Variants in RACGAP1 observed in about 807,000 individuals in gnomAD.
RACGAP1 encodes rac GTPase-activating protein 1.
A neutral mutation model predicts 78.1 loss-of-function variants in RACGAP1; 30 were observed. The ratio of observed to expected loss-of-function variants is 0.38; its 90% confidence interval spans 0.29 to 0.52. The LOEUF is 0.52. Among genes scored for constraint, RACGAP1 ranks in the 20% least tolerant of loss-of-function variants. The probability of loss-of-function intolerance (pLI) is 0.82; values close to 1 mark genes in which losing one functional copy is unlikely to be tolerated. For synonymous variants in RACGAP1, 231 were observed against 264.8 expected, an observed-to-expected ratio of 0.87 and a Z score of 1.24; for missense variants, 587 against 777.1, an observed-to-expected ratio of 0.76 and a Z score of 2.91.
At chr12:49,993,604 T>C (rs1948039692) in intron 12 of RACGAP1, among the ~76,000 whole-genome samples, 1 of 146,052 alleles carries the variant, frequency 6.8e-6, no homozygotes, top group Non-Finnish European at 1.5e-5. Context: ...CTGGCTAACA[T>C]GGTATAACAC....
upstream of RACGAP1, among the ~76,000 whole-genome samples, chr12:50,025,934 T>C (rs1950256533): frequency 6.6e-6 from 1 of 152,156 alleles, no homozygotes; most frequent in African/African-American, 2.4e-5. Context: ...TTGACACACA[T>C]TGAATGAGCC....
Position 49,997,142 on chromosome 12 carries a change from C to G in RACGAP1, c.942G>C (p.Leu314=), listed in dbSNP as rs1259234756. ...AGACCACACGACAGTCTCGACACTT[C>G]AGAGATAATTTGCCAAATTTTATCC... ...GKRIKFGKLS[L]KCRDCRVVSH... Residue 314 remains leucine, a synonymous_variant, in exon 10 of 17, where the codon CTG becomes CTC. Coordinates refer to ENST00000312377, the MANE Select transcript of RACGAP1 (RefSeq NM_001319999.2). The G allele has an allele frequency of 8.7e-6, 14 of 1,610,462 alleles. No homozygotes were observed. The highest frequency in any genetic ancestry group is 1.1e-5 in the Non-Finnish European group (13 of 1,177,244).
chr12:49,998,917 A>T (rs1293337476), intron 9 of RACGAP1, among the ~76,000 whole-genome samples: 1 of 151,962 alleles, frequency 6.6e-6, no homozygotes, highest in East Asian at 1.9e-4. Context: ...AAAAAAAAGT[A>T]CTAACAATTG....
intron 1 of RACGAP1, among the ~76,000 whole-genome samples, chr12:50,020,278 A>T (rs1949934423): frequency 4.0e-5 from 6 of 151,806 alleles, no homozygotes; most frequent in Admixed American, 3.9e-4. Flanking sequence ...TCAGGGTTCG[A>T]GTGATTCTCC....
rs1165120671 is a variant in RACGAP1 at position 50,019,298 on chromosome 12, T to C, written c.-4-2579A>G. 2.0e-5 allele frequency among the ~76,000 whole-genome samples: 3 copies of C among 152,186 alleles called. No individual in the cohort carries two copies. In the East Asian group the frequency reaches 5.8e-4, roughly 29 times the overall value. On this transcript the variant is annotated intron_variant, in intron 1 of 16. Coordinates refer to ENST00000312377, the MANE Select transcript of RACGAP1 (RefSeq NM_001319999.2). ...AGATACAAACTCTTTGCACTTGAAT[T>C]AAACTTTACCATATGATTCTGCCCT...
intron 15 of RACGAP1, 82 bp from the exon 16 acceptor site, chr12:49,990,874 C>T: frequency 1.1e-5 from 11 of 1,016,808 alleles, no homozygotes; most frequent in Non-Finnish European, 1.5e-5. Context: ...GCTGATTACC[C>T]TCTGAAGCAC....
intron 1 of RACGAP1, among the ~76,000 whole-genome samples, chr12:50,020,055 A>G (rs58424082): frequency 6.6e-6 from 1 of 152,152 alleles, no homozygotes; most frequent in East Asian, 1.9e-4. Flanking sequence ...TAAATTCAGA[A>G]TTTTAGACCA....
intron 2 of RACGAP1, among the ~76,000 whole-genome samples, chr12:50,015,602 C>A (rs1208494352): frequency 1.3e-5 from 2 of 151,778 alleles, no homozygotes; most frequent in Non-Finnish European, 2.9e-5. Flanking sequence ...GAGATCGAGA[C>A]CATCCTGGCT....
At chr12:49,993,746 T>A (rs1345240365) in intron 12 of RACGAP1, among the ~76,000 whole-genome samples, 5 of 130,618 alleles carry the variant, frequency 3.8e-5, no homozygotes, top group Admixed American at 7.7e-5. Flanking sequence ...GACTCCGTCT[T>A]AAAAAAAAAA....
chr12:49,991,712 C>A (rs898273295), intron 15 of RACGAP1, among the ~76,000 whole-genome samples: 2 of 151,042 alleles, frequency 1.3e-5, no homozygotes, highest in Non-Finnish European at 2.9e-5. Flanking sequence ...TGGTCTCAAT[C>A]CCCTGACCTT....
At position 49,989,730 on chromosome 12, in the gene RACGAP1, G is replaced by C. The variant is rs1173998304; in HGVS notation, c.*538C>G. On this transcript the variant is annotated 3_prime_UTR_variant, in exon 17 of 17. Transcript: ENST00000312377. ...CTCAATGCATCCCATTTTTATGAAA[G>C]CTCCATATTATAGCTCAGTTCATAA... 2.0e-5 allele frequency: 3 copies of C among 152,678 alleles called. No homozygotes were observed. The highest frequency in any genetic ancestry group is 2.9e-5 in the Non-Finnish European group (2 of 68,444). The allele number at this position is 152,678 out of a possible 1,614,324, so 9.5% of individuals were successfully genotyped here.
chr12:50,004,221 C>T lies in RACGAP1; in HGVS notation c.495+14G>A. On this transcript the variant is annotated intron_variant, in intron 5 of 16. Transcript: ENST00000312377. Reference sequence around the variant, plus strand: ...AGAAAAGTAGGTAATTCTCAGAGATCAAATGTTTATTACCAGTGATTCATC... The same window carrying T: ...AGAAAAGTAGGTAATTCTCAGAGATTAAATGTTTATTACCAGTGATTCATC... 4.4e-6 allele frequency: 7 copies of T among 1,595,384 alleles called. No individual in the cohort carries two copies. The East Asian group carries it at 1.4e-4, about 31-fold the overall frequency.
In RACGAP1 at chr12:50,017,058, T is replaced by C. The variant is rs149638080; in HGVS notation, c.-4-339A>G. The C allele has an allele frequency of 6.2e-4, 647 of 1,041,590 alleles. 2 individuals carry two copies. In the African/African-American group the frequency reaches 0.01, roughly 16 times the overall value. The allele number at this position is 1,041,590 out of a possible 1,614,324, so 64.5% of individuals were successfully genotyped here. A position where few individuals can be genotyped will look rare whatever the true frequency, so the allele number is the denominator to read the frequency against. On this transcript the variant is annotated intron_variant, in intron 1 of 16. Coordinates refer to ENST00000312377, the MANE Select transcript of RACGAP1 (RefSeq NM_001319999.2). ...ATGTGGTTCTTCAAGTCAAGCCTAT[T>C]GATTAATATAATAATTTTGCCAGTT...
intron 9 of RACGAP1, 67 bp from the exon 10 acceptor site, chr12:49,997,271 ACT>A: frequency 7.6e-7 from 1 of 1,319,142 alleles, no homozygotes; most frequent in Non-Finnish European, 9.7e-7. Flanking sequence ...TAATCAACTA[ACT>A]TTTTTTTTTT....
chr12:50,027,653 G>A (rs1477327736), upstream of RACGAP1, among the ~76,000 whole-genome samples: 2 of 151,838 alleles, frequency 1.3e-5, no homozygotes, highest in South Asian at 2.1e-4. Context: ...TAGTGAAACC[G>A]CATCTCTACT....
intron 2 of RACGAP1, 99 bp downstream of exon 2, chr12:50,016,532 T>C (rs187527414): frequency 1.2e-3 from 1,532 of 1,309,698 alleles, no homozygotes; most frequent in Non-Finnish European, 1.5e-3. Flanking sequence ...GTAACCCAAA[T>C]GGAAAACAAC....
At chr12:50,026,301 G>A (rs17124330), upstream of RACGAP1, among the ~76,000 whole-genome samples, 9,308 of 151,732 alleles carry the variant, frequency 0.061, 978 homozygotes, top group African/African-American at 0.21. Context: ...TACAAGAAGC[G>A]CTGTGGTTTA....
intron 5 of RACGAP1, among the ~76,000 whole-genome samples, chr12:50,003,682 T>C (rs1482428347): frequency 2.0e-5 from 3 of 152,216 alleles, no homozygotes; most frequent in African/African-American, 7.2e-5. Flanking sequence ...TTAAAAGAAG[T>C]GTGCCGCCCC....
intron 2 of RACGAP1, among the ~76,000 whole-genome samples, chr12:50,009,766 C>T (rs1949198778): frequency 6.6e-6 from 1 of 152,220 alleles, no homozygotes; most frequent in Non-Finnish European, 1.5e-5. Flanking sequence ...CAGTCTGTCC[C>T]TGCCCCCAGA....
Sources: gnomAD v4.1 joint callset for allele counts (sites outside exome capture counted in the v4.1 genomes callset) on GRCh38, gnomAD v4.1.1 for gene constraint, MANE v1.5 for transcripts, NCBI Gene and HGNC (gene_info 2026-07-23, HGNC 2026-07-21) for gene names.